PTPRN2: variants seen among roughly 807,000 people sequenced by gnomAD.
PTPRN2 encodes receptor-type tyrosine-protein phosphatase N2.
Under a neutral mutation model 118.8 loss-of-function variants are expected in PTPRN2, and 74 were observed. The observed-to-expected ratio is 0.62, with a 90% CI of 0.52 to 0.76. The LOEUF is 0.76. Among genes scored for constraint, PTPRN2 ranks in the 30% least tolerant of loss-of-function variants. PTPRN2 has a pLI of 0.00. For missense variants in PTPRN2, 1,481 were observed against 1,394.4 expected, an observed-to-expected ratio of 1.06 and a Z score of -0.99; for synonymous variants, 641 against 608.0, an observed-to-expected ratio of 1.05 and a Z score of -0.80.
In PTPRN2 at chr7:158,193,656, A is replaced by T. The variant is rs577947501; in HGVS notation, c.381-1161T>A. Among the ~76,000 whole-genome samples, 555 of 152,006 alleles carry T rather than the reference A, an allele frequency of 3.7e-3. 15 individuals carry two copies. Among genetic ancestry groups the T allele is most frequent in the Admixed American group, 0.032 (490 of 15,278 alleles). On this transcript the variant is annotated intron_variant, in intron 4 of 22. Transcript: ENST00000389418. Reference sequence around the variant, plus strand: ...CACGATGGGCATGGCCTCCCTAGGGATGGGCATGGCCCTCCCTGCCCAGCT... The same window carrying T: ...CACGATGGGCATGGCCTCCCTAGGGTTGGGCATGGCCCTCCCTGCCCAGCT...
intron 12 of PTPRN2, among the ~76,000 whole-genome samples, chr7:157,856,484 G>A (rs1458478972): frequency 5.9e-5 from 9 of 152,330 alleles, no homozygotes; most frequent in Non-Finnish European, 8.8e-5. Flanking sequence ...CGGTGCCTCC[G>A]AGGCTCAGCC....
intron 2 of PTPRN2, among the ~76,000 whole-genome samples, chr7:158,363,618 C>T (rs1334733845): frequency 3.9e-5 from 6 of 152,156 alleles, no homozygotes; most frequent in African/African-American, 7.2e-5. Context: ...AGGAGAGAAC[C>T]GCGCATGCTG....
intron 11 of PTPRN2, among the ~76,000 whole-genome samples, chr7:158,045,894 C>T (rs766427388): frequency 1.6e-4 from 24 of 148,132 alleles, no homozygotes; most frequent in Non-Finnish European, 3.4e-4. Context: ...AGGAGCAGAA[C>T]CTGCGATCCT....
chr7:158,314,606 T>G (rs903345279), intron 3 of PTPRN2, among the ~76,000 whole-genome samples: 3 of 152,354 alleles, frequency 2.0e-5, no homozygotes, highest in Non-Finnish European at 1.5e-5. Context: ...GGGAAAGGGC[T>G]CAGGAGTCCA....
chr7:157,705,115 C>A (rs562230215), intron 12 of PTPRN2, among the ~76,000 whole-genome samples: 16 of 152,264 alleles, frequency 1.1e-4, no homozygotes, highest in African/African-American at 3.9e-4. Context: ...ACCAGCCTGG[C>A]CAATATGGTG....
chr7:158,380,025 C>T (rs1232900867), intron 2 of PTPRN2, among the ~76,000 whole-genome samples: 1 of 152,146 alleles, frequency 6.6e-6, no homozygotes, highest in Non-Finnish European at 1.5e-5. Flanking sequence ...AGACCCACCC[C>T]TATGATTCGA....
intron 14 of PTPRN2, among the ~76,000 whole-genome samples, chr7:157,652,560 C>T (rs1037148088): frequency 6.6e-6 from 1 of 152,212 alleles, no homozygotes; most frequent in African/African-American, 2.4e-5. Flanking sequence ...GACCTGCCCA[C>T]CCCTGCCCCT....
chr7:157,661,165 C>T (rs1471798391), intron 13 of PTPRN2, among the ~76,000 whole-genome samples: 1 of 152,260 alleles, frequency 6.6e-6, no homozygotes, highest in African/African-American at 2.4e-5. Flanking sequence ...GGTTCGGTGC[C>T]TCTCAGCGGG....
intron 3 of PTPRN2, among the ~76,000 whole-genome samples, chr7:158,290,374 G>T (rs1218235059): frequency 6.6e-6 from 1 of 152,066 alleles, no homozygotes; most frequent in African/African-American, 2.4e-5. Context: ...CCATGGAGCT[G>T]CAGGGCCAGC....
chr7:158,586,185 T>C (rs1828898268), intron 1 of PTPRN2, among the ~76,000 whole-genome samples: 1 of 152,140 alleles, frequency 6.6e-6, no homozygotes, highest in African/African-American at 2.4e-5. Flanking sequence ...GTGTTCCTTC[T>C]AACAGAGACA....
intron 2 of PTPRN2, among the ~76,000 whole-genome samples, chr7:158,482,674 T>C (rs1563343982): frequency 6.6e-6 from 1 of 152,250 alleles, no homozygotes; most frequent in Non-Finnish European, 1.5e-5. Context: ...ATATTTGCTT[T>C]ATTGCAGTGC....
At chr7:158,226,517 C>T (rs1443023922) in intron 3 of PTPRN2, among the ~76,000 whole-genome samples, 1 of 152,126 alleles carries the variant, frequency 6.6e-6, no homozygotes, top group African/African-American at 2.4e-5. Flanking sequence ...CAGGGACAGA[C>T]TGCTGAGAGG....
chr7:158,092,918 A>G (rs2128947454), intron 10 of PTPRN2, among the ~76,000 whole-genome samples: 1 of 152,328 alleles, frequency 6.6e-6, no homozygotes, highest in Middle Eastern at 3.4e-3. Flanking sequence ...CTCGGTAACA[A>G]CCACAAAATT....
At chr7:157,834,028 ACTCT>A (rs1312465040) in intron 12 of PTPRN2, among the ~76,000 whole-genome samples, 5 of 152,074 alleles carry the variant, frequency 3.3e-5, no homozygotes, top group Admixed American at 3.3e-4. Context: ...GTCCTTCGAA[ACTCT>A]CTGTAGTACT....
At chr7:158,176,618 C>G (rs1021644122) in intron 5 of PTPRN2, among the ~76,000 whole-genome samples, 5 of 152,132 alleles carry the variant, frequency 3.3e-5, no homozygotes, top group African/African-American at 1.2e-4. Context: ...CAGTGGAGGG[C>G]AGGGACAGGA....
chr7:157,562,297 C>G (rs1348713712), intron 21 of PTPRN2, among the ~76,000 whole-genome samples: 2 of 152,124 alleles, frequency 1.3e-5, no homozygotes, highest in African/African-American at 4.8e-5. Context: ...GAGACCAGCA[C>G]ACGAGGGGTG....
At chr7:158,156,417 G>A (rs2335479) in intron 6 of PTPRN2, among the ~76,000 whole-genome samples, 94,759 of 152,120 alleles carry the variant, frequency 0.62, 30,549 homozygotes, top group East Asian at 0.79. Context: ...GCAGCTCACC[G>A]TGGACTGGGT....
chr7:158,158,871 A>G (rs62480760), intron 6 of PTPRN2, among the ~76,000 whole-genome samples: 27,091 of 40,948 alleles, frequency 0.66, 9,414 homozygotes, highest in East Asian at 0.8. Flanking sequence ...GGCTTTCTGA[A>G]TGAATGAGTG....
chr7:157,860,387 C>G (rs553497855), intron 12 of PTPRN2, among the ~76,000 whole-genome samples: 1 of 152,352 alleles, frequency 6.6e-6, no homozygotes, highest in African/African-American at 2.4e-5. Context: ...TCTCCAGGAG[C>G]TGGGCCACTT....
Sources: gnomAD v4.1 joint callset for allele counts (sites outside exome capture counted in the v4.1 genomes callset) on GRCh38, gnomAD v4.1.1 for gene constraint, MANE v1.5 for transcripts, NCBI Gene and HGNC (gene_info 2026-07-23, HGNC 2026-07-21) for gene names.